Variants in ADAM19 observed in about 807,000 individuals in gnomAD.
The protein encoded by ADAM19 is ADAM metallopeptidase domain 19, also known as disintegrin and metalloproteinase domain-containing protein 19.
ADAM19 carries 65 observed loss-of-function variants against 114.7 expected under a neutral mutation model. The observed-to-expected ratio is 0.57, with a 90% CI of 0.46 to 0.70. The LOEUF (loss-of-function observed/expected upper bound fraction) is 0.70. ADAM19 is among the 30% of genes least tolerant of loss of function. The probability of loss-of-function intolerance (pLI) is 0.00; values close to 1 mark genes in which losing one functional copy is unlikely to be tolerated. For synonymous variants in ADAM19, 466 were observed against 460.5 expected, an observed-to-expected ratio of 1.01 and a Z score of -0.15; for missense variants, 1,063 against 1,204.7, an observed-to-expected ratio of 0.88 and a Z score of 1.74.
In ADAM19 at chr5:157,546,132, G is replaced by A. The variant is rs573752350; in HGVS notation, c.252-8141C>T. On this transcript the variant is annotated intron_variant, in intron 3 of 22. Coordinates refer to ENST00000257527, the MANE Select transcript of ADAM19 (RefSeq NM_033274.5). ...CTGGCTTGGCACCTGCAGCTCCCAA[G>A]TGCTTGGCAAATGCTGACACCATGC... is the stretch of plus-strand genomic sequence containing the variant. 8.5e-5 allele frequency among the ~76,000 whole-genome samples: 13 copies of A among 152,346 alleles called. No homozygotes were observed. In the South Asian group the frequency reaches 2.7e-3, roughly 32 times the overall value.
At chr5:157,491,216 T>G (rs1258689419) in intron 18 of ADAM19, among the ~76,000 whole-genome samples, 1 of 152,224 alleles carries the variant, frequency 6.6e-6, no homozygotes, top group African/African-American at 2.4e-5. Context: ...TCTGAGTGTC[T>G]GGTTCTCCAT....
intron 9 of ADAM19, among the ~76,000 whole-genome samples, chr5:157,507,823 G>A (rs1334136647): frequency 6.6e-6 from 1 of 151,988 alleles, no homozygotes; most frequent in African/African-American, 2.4e-5. Flanking sequence ...ATACATCCAG[G>A]GTAGAGGAGA....
intron 13 of ADAM19, among the ~76,000 whole-genome samples, chr5:157,498,688 G>GTATA (rs55867903): frequency 0.033 from 4,747 of 143,802 alleles, 104 homozygotes; most frequent in African/African-American, 0.051. Flanking sequence ...ATGTGTGTAT[G>GTATA]TATATATATA....
intron 8 of ADAM19, among the ~76,000 whole-genome samples, chr5:157,512,351 C>A (rs1432816728): frequency 1.3e-5 from 2 of 152,226 alleles, no homozygotes; most frequent in Non-Finnish European, 2.9e-5. Context: ...CTCCTATATT[C>A]TCTAGTGTTT....
intron 4 of ADAM19, among the ~76,000 whole-genome samples, chr5:157,534,931 C>T (rs1035902540): frequency 1.3e-5 from 2 of 152,180 alleles, no homozygotes; most frequent in Non-Finnish European, 2.9e-5. Flanking sequence ...TTTATCCCCA[C>T]CTTCTCTAGC....
chr5:157,572,210 C>G lies in ADAM19; in HGVS notation c.95-1230G>C, dbSNP rs375044280. ...ATGCCATTCTCCTGCCTCAGCCTCC[C>G]GAGTAGCTGGGACTACAGGCACCCG... On this transcript the variant is annotated intron_variant, in intron 1 of 22. Transcript: ENST00000257527. 2.3e-5 allele frequency: 10 copies of G among 440,298 alleles called. No homozygotes were observed. The East Asian group carries it at 5.6e-4, about 25-fold the overall frequency. 27.3% of individuals were successfully genotyped at this position (440,298 alleles called of 1,614,324 possible). A position where few individuals can be genotyped will look rare whatever the true frequency, so the allele number is the denominator to read the frequency against.
At chr5:157,556,343 C>T (rs780564311) in intron 3 of ADAM19, among the ~76,000 whole-genome samples, 2 of 151,162 alleles carry the variant, frequency 1.3e-5, no homozygotes, top group East Asian at 2.0e-4. Context: ...CTCAACCTCC[C>T]GAGTAGCTGG....
chr5:157,522,823 A>G (rs2113745231), intron 5 of ADAM19, among the ~76,000 whole-genome samples: 1 of 152,244 alleles, frequency 6.6e-6, no homozygotes, highest in Admixed American at 6.5e-5. Flanking sequence ...TGAATTAGAA[A>G]GATACCACCA....
intron 1 of ADAM19, among the ~76,000 whole-genome samples, 167 bp from the exon 2 acceptor site, chr5:157,571,147 T>C (rs1251146847): frequency 1.3e-5 from 2 of 152,186 alleles, no homozygotes; most frequent in African/African-American, 2.4e-5. Context: ...GTCGGTGATA[T>C]TGTGGTAAAT....
intron 4 of ADAM19, among the ~76,000 whole-genome samples, chr5:157,535,187 A>C (rs1401793435): frequency 1.3e-5 from 2 of 152,224 alleles, no homozygotes; most frequent in Non-Finnish European, 2.9e-5. Context: ...GGGGTTGTTT[A>C]AGGTCATATA....
At chr5:157,562,185 A>G (rs1368263222) in intron 3 of ADAM19, among the ~76,000 whole-genome samples, 2 of 152,240 alleles carry the variant, frequency 1.3e-5, no homozygotes, top group African/African-American at 4.8e-5. Context: ...TCACTAACAC[A>G]TGTTCAAAAC....
chr5:157,537,782 C>T lies in ADAM19; in HGVS notation c.330+131G>A. 9 of 740,458 alleles carry T rather than the reference C, an allele frequency of 1.2e-5. No individual in the cohort carries two copies. In the South Asian group the frequency reaches 1.5e-4, roughly 12 times the overall value. 45.9% of individuals were successfully genotyped at this position (740,458 alleles called of 1,614,324 possible). A position where few individuals can be genotyped will look rare whatever the true frequency, so the allele number is the denominator to read the frequency against. ...ATACATGTTTTGCTTCTCGTTTGCT[C>T]CCTTGGTCTTCGCTTGGGGGAAACA... On this transcript the variant is annotated intron_variant, in intron 4 of 22. Coordinates refer to ENST00000257527, the MANE Select transcript of ADAM19 (RefSeq NM_033274.5).
chr5:157,488,407 G>A lies in ADAM19; in HGVS notation c.2408C>T (p.Pro803Leu), dbSNP rs1755025687. The A allele has an allele frequency of 2.5e-6, 4 of 1,613,886 alleles. No individual in the cohort carries two copies. The highest frequency in any genetic ancestry group is 3.3e-5 in the Admixed American group (2 of 59,972). The change falls in exon 21 of 23, where the codon CCA (proline) becomes CTA (leucine). Residue 803 changes from proline to leucine, a missense_variant. Physicochemically the swap from Pro to Leu is moderately conservative, Grantham distance 98. Around this residue, in one of 3 missense-constraint regions of ADAM19, gnomAD observed 424 missense variants for 445.5 expected, o/e 0.95. Coordinates refer to ENST00000257527, the MANE Select transcript of ADAM19 (RefSeq NM_033274.5). ...CAGGTGAGCTGGCAGTGGTGCAGGTGGGGACCCACCACGCAGATAATCTGG... is the reference window on the plus strand; with the variant it reads ...CAGGTGAGCTGGCAGTGGTGCAGGTAGGGACCCACCACGCAGATAATCTGG... ...PPPDYLRGGS[P>L]PAPLPAHLSR...
At chr5:157,492,352 A>G (rs1244410671) in intron 16 of ADAM19, among the ~76,000 whole-genome samples, 1 of 152,216 alleles carries the variant, frequency 6.6e-6, no homozygotes, top group Non-Finnish European at 1.5e-5. Context: ...ATCAAAGTGA[A>G]AAATGGAAAA....
chr5:157,489,550 T>C (rs990159410), intron 19 of ADAM19, among the ~76,000 whole-genome samples: 5 of 152,160 alleles, frequency 3.3e-5, no homozygotes, highest in South Asian at 2.1e-4. Context: ...CCAGAACAAG[T>C]GTTATTTAAT....
Position 157,519,979 on chromosome 5 carries a change from C to G in ADAM19, c.460G>C (p.Asp154His). 6.2e-7 allele frequency: 1 copy of G among 1,614,112 alleles called. No homozygotes were observed. The highest frequency in any genetic ancestry group is 8.5e-7 in the Non-Finnish European group (1 of 1,180,012). The change falls in exon 6 of 23, where the codon GAC becomes CAC. Residue 154 changes from aspartate to histidine, a missense_variant. Asp to His is a moderately conservative substitution (Grantham distance 81). Coordinates refer to ENST00000257527, the MANE Select transcript of ADAM19 (RefSeq NM_033274.5). ...TAAATAAGGTGTTGGCCCTTGCTGT[C>G]AGGGAGGGGCTCGATGACGTAGCTG... ...NLSYVIEPLP[D>H]SKGQHLIYRS...
chr5:157,503,120 T>A, intron 11 of ADAM19, 140 bp from the exon 12 acceptor site: 2 of 651,058 alleles, frequency 3.1e-6, no homozygotes, highest in Non-Finnish European at 5.2e-6. Context: ...ACACATACAT[T>A]CTGGCCCCTT....
At chr5:157,511,652 CTTT>C (rs1561537431) in intron 8 of ADAM19, among the ~76,000 whole-genome samples, 1 of 152,136 alleles carries the variant, frequency 6.6e-6, no homozygotes, top group Non-Finnish European at 1.5e-5. Context: ...GTAAACTTGG[CTTT>C]TTTTCACAGT....
chr5:157,530,061 C>G (rs1196645005), intron 5 of ADAM19, among the ~76,000 whole-genome samples: 1 of 152,174 alleles, frequency 6.6e-6, no homozygotes, highest in Non-Finnish European at 1.5e-5. Flanking sequence ...CATGTGTCTT[C>G]TTTTTTATCT....
Sources: gnomAD v4.1 joint callset for allele counts (sites outside exome capture counted in the v4.1 genomes callset) on GRCh38, gnomAD v4.1.1 for gene constraint, gnomAD v4.1.1 regional missense constraint, MANE v1.5 for transcripts, NCBI Gene and HGNC (gene_info 2026-07-23, HGNC 2026-07-21) for gene names.